Variants in ZNF562 observed in about 807,000 individuals in gnomAD.
ZNF562 encodes zinc finger protein 562.
A neutral mutation model predicts 17.5 loss-of-function variants in ZNF562; 13 were observed. That is an observed-to-expected ratio of 0.74 (90% CI 0.48 to 1.18). The LOEUF (loss-of-function observed/expected upper bound fraction) is 1.18, where lower values mean the gene tolerates loss of function less well. Among genes scored for constraint, ZNF562 ranks in the 50% most tolerant of loss-of-function variants. ZNF562 has a pLI of 0.00. For missense variants in ZNF562, 481 were observed against 498.5 expected, an observed-to-expected ratio of 0.96 and a Z score of 0.33; for synonymous variants, 163 against 165.4, an observed-to-expected ratio of 0.99 and a Z score of 0.11.
At chr19:9,665,108 G>C (rs1334198977) in intron 1 of ZNF562, among the ~76,000 whole-genome samples, 1 of 151,902 alleles carries the variant, frequency 6.6e-6, no homozygotes, top group Admixed American at 6.6e-5. Context: ...TGAAGTCCCA[G>C]CTACTCAGGA....
intron 4 of ZNF562, among the ~76,000 whole-genome samples, chr19:9,657,006 C>G (rs2043516929): frequency 6.7e-6 from 1 of 149,830 alleles, no homozygotes; most frequent in Non-Finnish European, 1.5e-5. Flanking sequence ...CACCACTGCA[C>G]TCCAGCCTGG....
In ZNF562 at chr19:9,656,715, T is replaced by TA. The variant is rs1259780835; in HGVS notation, c.242-63dup. ...TAGTCATTTGTCCTTGTTTTCAAAT[T>TA]AAACACAGTATGAAAATAAAAGCCA... On this transcript the variant is annotated intron_variant, in intron 4 of 5. Transcript: ENST00000453372. 1.2e-5 allele frequency: 19 copies of TA among 1,533,706 alleles called. No individual in the cohort carries two copies. The South Asian group carries it at 2.0e-4, about 16-fold the overall frequency.
At chr19:9,666,799 T>C (rs918084232) in intron 1 of ZNF562, among the ~76,000 whole-genome samples, 1 of 152,058 alleles carries the variant, frequency 6.6e-6, no homozygotes, top group Non-Finnish European at 1.5e-5. Flanking sequence ...AATTCTTGGG[T>C]GCATACAACC....
rs925705611 is a variant in ZNF562 at position 9,651,314 on chromosome 19, C to G, written c.*1635G>C. 1.3e-5 allele frequency: 2 copies of G among 152,140 alleles called. No homozygotes were observed. Among genetic ancestry groups the G allele is most frequent in the Non-Finnish European group, 2.9e-5 (2 of 68,036 alleles). 9.4% of individuals were successfully genotyped at this position (152,140 alleles called of 1,614,324 possible). A position where few individuals can be genotyped will look rare whatever the true frequency, so the allele number is the denominator to read the frequency against. ...TAAAGTGGTGAAGAACTTGGCAGAA[C>G]TGTATTCTAGCATTTTACGGAAGGT... On this transcript the variant is annotated 3_prime_UTR_variant, in exon 6 of 6. Transcript: ENST00000453372.
rs996393947 is a variant in ZNF562, at chr19:9,650,083, A to G, written c.*2866T>C. On this transcript the variant is annotated 3_prime_UTR_variant, in exon 6 of 6. Coordinates refer to ENST00000453372, the MANE Select transcript of ZNF562 (RefSeq NM_001130031.2). Reference sequence around the variant, plus strand: ...ACATAACCTCTTCAAAAAATAAAAAAGAAATAAAAGCCTACAGCCAAACCA... The same window carrying G: ...ACATAACCTCTTCAAAAAATAAAAAGGAAATAAAAGCCTACAGCCAAACCA... 1.3e-5 allele frequency: 2 copies of G among 152,202 alleles called. No homozygotes were observed. Among genetic ancestry groups the G allele is most frequent in the Non-Finnish European group, 2.9e-5 (2 of 68,038 alleles). The allele number at this position is 152,202 out of a possible 1,614,324, so 9.4% of individuals were successfully genotyped here.
At chr19:9,662,989 C>G (rs1443256991) in intron 1 of ZNF562, among the ~76,000 whole-genome samples, 2 of 151,734 alleles carry the variant, frequency 1.3e-5, no homozygotes, top group Non-Finnish European at 2.9e-5. Flanking sequence ...AGATGTGAGC[C>G]ACTGCGCCTG....
chr19:9,664,753 T>C (rs2043881194), intron 1 of ZNF562, among the ~76,000 whole-genome samples: 1 of 151,506 alleles, frequency 6.6e-6, no homozygotes, highest in Non-Finnish European at 1.5e-5. Flanking sequence ...CAGCTGGGCA[T>C]GGTGGCTCAT....
chr19:9,670,796 G>A (rs770132072), intron 1 of ZNF562, among the ~76,000 whole-genome samples: 7 of 151,976 alleles, frequency 4.6e-5, no homozygotes, highest in Non-Finnish European at 7.4e-5. Context: ...TCAGGAGTTC[G>A]AGACCAACCT....
In ZNF562 at chr19:9,653,720, A is replaced by G. The variant is rs1339153707; in HGVS notation, c.510T>C (p.Ser170=). The G allele has an allele frequency of 1.9e-6, 3 of 1,614,122 alleles. No individual in the cohort carries two copies. Among genetic ancestry groups the G allele is most frequent in the South Asian group, 2.2e-5 (2 of 91,080 alleles). Residue 170 remains serine (S), a synonymous_variant, in exon 6 of 6, where the codon TCT becomes TCC. Coordinates refer to ENST00000453372, the MANE Select transcript of ZNF562 (RefSeq NM_001130031.2). ...TAAATTTGGAAAGTTCTTGTCCAAT[A>G]GAGGCTTCCTTGTGCACACTGATGC... is the stretch of plus-strand genomic sequence containing the variant. ...KDSISVHKEA[S]IGQELSKFNP...
chr19:9,652,964 G>A lies in ZNF562; in HGVS notation c.1266C>T (p.His422=). The A allele has an allele frequency of 6.7e-7, 1 of 1,499,796 alleles. No individual in the cohort carries two copies. Among genetic ancestry groups the A allele is most frequent in the Non-Finnish European group, 8.9e-7 (1 of 1,124,792 alleles). The allele number at this position is 1,499,796 out of a possible 1,614,324, so 92.9% of individuals were successfully genotyped here. Residue 422 remains histidine (H), a synonymous_variant, in exon 6 of 6, where the codon CAC becomes CAT. Transcript: ENST00000453372. The stretch of plus-strand genomic sequence containing the variant: ...TATCTTGCATTTACCTTTCTCCACT[G>A]TGAGTTTTCAAATGTTTACTACGAT... The part of the protein sequence containing the change: ...SSHRSKHLKT[H]SGER
At chr19:9,655,728 T>C (rs1483513787) in intron 5 of ZNF562, among the ~76,000 whole-genome samples, 8 of 108,062 alleles carry the variant, frequency 7.4e-5, no homozygotes, top group African/African-American at 1.7e-4. Flanking sequence ...TTTTTTTTTT[T>C]TTTTTTTTTT....
In ZNF562 at chr19:9,660,887, A is replaced by G. The variant is rs1457040513; in HGVS notation, c.-130-13T>C. On this transcript the variant is annotated splice_polypyrimidine_tract_variant and intron_variant, in intron 1 of 5. Transcript: ENST00000453372. The stretch of plus-strand genomic sequence containing the variant: ...GTTATCTGAGGCCCTGTTCATACCA[A>G]TCACCAAACAACAAGCATCAAACAT... 1.5e-5 allele frequency: 10 copies of G among 646,674 alleles called. No individual in the cohort carries two copies. The highest frequency in any genetic ancestry group is 1.3e-4 in the South Asian group (5 of 37,224). 40.1% of individuals were successfully genotyped at this position (646,674 alleles called of 1,614,324 possible).
chr19:9,644,451 G>A lies in ZNF562; in HGVS notation c.*8498C>T, dbSNP rs1401101842. 6.6e-6 allele frequency: 1 copy of A among 152,132 alleles called. No homozygotes were observed. Among genetic ancestry groups the A allele is most frequent in the African/African-American group, 2.4e-5 (1 of 41,410 alleles). 9.4% of individuals were successfully genotyped at this position (152,132 alleles called of 1,614,324 possible). A position where few individuals can be genotyped will look rare whatever the true frequency, so the allele number is the denominator to read the frequency against. On this transcript the variant is annotated 3_prime_UTR_variant, in exon 6 of 6. Transcript: ENST00000453372. ...ACCAAAATAAAAAAGTGTGAGTTTA[G>A]GTGCTGTGTTCCTTGTTGTTGTTAC...
At chr19:9,654,727 A>C (rs2043395287) in intron 5 of ZNF562, among the ~76,000 whole-genome samples, 1 of 152,078 alleles carries the variant, frequency 6.6e-6, no homozygotes. Context: ...AATTACAGGC[A>C]TGAGGCACTG....
rs1307380262 is a variant in ZNF562 at position 9,658,241 on chromosome 19, A to G, written c.115-106T>C. 3.5e-6 allele frequency: 5 copies of G among 1,424,570 alleles called. No individual in the cohort carries two copies. The African/African-American group carries it at 5.7e-5, about 16-fold the overall frequency. The allele number at this position is 1,424,570 out of a possible 1,614,324, so 88.2% of individuals were successfully genotyped here. The stretch of plus-strand genomic sequence containing the variant: ...TATACTCACTTATACGTGGTTCTCA[A>G]GTCTCCCATGATCTACTCCAGGGTT... On this transcript the variant is annotated intron_variant, in intron 3 of 5. Coordinates refer to ENST00000453372, the MANE Select transcript of ZNF562 (RefSeq NM_001130031.2).
chr19:9,673,590 A>C (rs2044283742), intron 1 of ZNF562, among the ~76,000 whole-genome samples: 1 of 152,118 alleles, frequency 6.6e-6, no homozygotes, highest in Admixed American at 6.5e-5. Context: ...GAGCCAGTGC[A>C]TCTGGCCTGG....
At position 9,643,073 on chromosome 19, in the gene ZNF562, C is replaced by T. The variant is rs73008122; in HGVS notation, c.*9876G>A. On this transcript the variant is annotated 3_prime_UTR_variant, in exon 6 of 6. Coordinates refer to ENST00000453372, the MANE Select transcript of ZNF562 (RefSeq NM_001130031.2). ...AAAAAAAAAAAAAAAAGAACACCAC[C>T]GGCCACTGTGGCTCATTCCTGTAAT... The T allele has an allele frequency of 0.26, 37,717 of 146,918 alleles. 5,722 individuals carry two copies. The highest frequency in any genetic ancestry group is 0.39 in the African/African-American group (15,161 of 39,330). The allele number at this position is 146,918 out of a possible 1,614,324, so 9.1% of individuals were successfully genotyped here. A position where few individuals can be genotyped will look rare whatever the true frequency, so the allele number is the denominator to read the frequency against.
rs1599262822 is a variant in ZNF562, at chr19:9,652,382, T to C, written c.*567A>G. 6.6e-6 allele frequency: 1 copy of C among 152,224 alleles called. No individual in the cohort carries two copies. Among genetic ancestry groups the C allele is most frequent in the South Asian group, 2.1e-4 (1 of 4,830 alleles). The allele number at this position is 152,224 out of a possible 1,614,324, so 9.4% of individuals were successfully genotyped here. On this transcript the variant is annotated 3_prime_UTR_variant, in exon 6 of 6. Coordinates refer to ENST00000453372, the MANE Select transcript of ZNF562 (RefSeq NM_001130031.2). ...CCTTGGAGGAGCATCTTTTTAACAA[T>C]CCACCTCTGGGGCCTACATCATCTT...
Position 9,650,884 on chromosome 19 carries a change from G to A in ZNF562, c.*2065C>T, listed in dbSNP as rs953555047. 1 of 147,336 alleles carries A rather than the reference G, an allele frequency of 6.8e-6. No homozygotes were observed. Among genetic ancestry groups the A allele is most frequent in the African/African-American group, 2.5e-5 (1 of 39,588 alleles). The allele number at this position is 147,336 out of a possible 1,614,324, so 9.1% of individuals were successfully genotyped here. A position where few individuals can be genotyped will look rare whatever the true frequency, so the allele number is the denominator to read the frequency against. On this transcript the variant is annotated 3_prime_UTR_variant, in exon 6 of 6. Transcript: ENST00000453372. ...CAGGAGAATCACTGGAACTCAGGAG[G>A]TGGAGGTTGCGGTGAGCCAAGATCA...
Sources: gnomAD v4.1 joint callset for allele counts (sites outside exome capture counted in the v4.1 genomes callset) on GRCh38, gnomAD v4.1.1 for gene constraint, MANE v1.5 for transcripts, NCBI Gene and HGNC (gene_info 2026-07-23, HGNC 2026-07-21) for gene names.